LIMCH1: variants seen among roughly 807,000 people sequenced by gnomAD.
LIMCH1 encodes LIM and calponin homology domains-containing protein 1.
LIMCH1 carries 113 observed loss-of-function variants against 176.5 expected under a neutral mutation model. That is an observed-to-expected ratio of 0.64 (90% CI 0.55 to 0.75). The LOEUF (loss-of-function observed/expected upper bound fraction) is 0.75, where lower values mean the gene tolerates loss of function less well. Among genes scored for constraint, LIMCH1 ranks in the 30% least tolerant of loss-of-function variants. The probability of loss-of-function intolerance (pLI) is 0.00; values close to 1 mark genes in which losing one functional copy is unlikely to be tolerated. For missense variants in LIMCH1, 1,674 were observed against 1,814.9 expected (o/e 0.92, Z 1.41); for synonymous variants, 619 against 645.9 (o/e 0.96, Z 0.63).
chr4:41,404,469 A>T (rs1484600888), intron 1 of LIMCH1, among the ~76,000 whole-genome samples: 1 of 152,026 alleles, frequency 6.6e-6, no homozygotes, highest in Non-Finnish European at 1.5e-5. Context: ...CTTGGGGAGT[A>T]TTTTCTTTTA....
chr4:41,419,634 CCTCCTTCCTTTCTT>C (rs2060348320), intron 1 of LIMCH1, among the ~76,000 whole-genome samples: 2 of 93,220 alleles, frequency 2.1e-5, no homozygotes, highest in Admixed American at 1.1e-4. Context: ...TTCCTTCCTT[CCTCCTTCCTTTCTT>C]CCTCCTTCCT....
chr4:41,661,274 T>C, intron 18 of LIMCH1, 146 bp from the exon 19 acceptor site: 1 of 640,022 alleles, frequency 1.6e-6, no homozygotes, highest in Non-Finnish European at 2.8e-6. Flanking sequence ...CAATCCAGGC[T>C]CTCGCCATGA....
chr4:41,473,124 C>T lies in LIMCH1; in HGVS notation c.97-21412C>T, dbSNP rs910777455. On this transcript the variant is annotated intron_variant, in intron 1 of 26. Transcript: ENST00000313860. ...AACTCCTCCCAGTGCCATAAAATGA[C>T]AACTTGGTAAATGTTGATGTGAGTG... 1.5e-5 allele frequency: 15 copies of T among 985,298 alleles called. No homozygotes were observed. The African/African-American group carries it at 2.4e-4, about 16-fold the overall frequency. The allele number at this position is 985,298 out of a possible 1,614,324, so 61.0% of individuals were successfully genotyped here. A position where few individuals can be genotyped will look rare whatever the true frequency, so the allele number is the denominator to read the frequency against.
At chr4:41,644,460 T>C in intron 14 of LIMCH1, 40 bp from the exon 15 acceptor site, 3 of 1,450,302 alleles carry the variant, frequency 2.1e-6, no homozygotes, top group Non-Finnish European at 2.7e-6. Context: ...CGACGGGCGC[T>C]GATCGCGGTC....
chr4:41,443,704 G>T (rs1321973086), intron 1 of LIMCH1, among the ~76,000 whole-genome samples: 1 of 152,206 alleles, frequency 6.6e-6, no homozygotes, highest in East Asian at 1.9e-4. Context: ...GTGAAGGAAA[G>T]CTCTTCTGCC....
chr4:41,619,560 T>G lies in LIMCH1; in HGVS notation c.458+120T>G. On this transcript the variant is annotated intron_variant, in intron 6 of 31. Coordinates refer to ENST00000503057, the MANE Select transcript of LIMCH1 (RefSeq NM_001330672.2). ...CAGAACTTTGATGGAAGATTACAGA[T>G]GGAGGTGGGTGGGACAGATCTTTGG... The G allele has an allele frequency of 3.9e-6, 5 of 1,278,258 alleles. No homozygotes were observed. The South Asian group carries it at 7.0e-5, about 18-fold the overall frequency. The allele number at this position is 1,278,258 out of a possible 1,614,324, so 79.2% of individuals were successfully genotyped here. A position where few individuals can be genotyped will look rare whatever the true frequency, so the allele number is the denominator to read the frequency against.
At chr4:41,643,319 G>GT (rs200749576) in intron 14 of LIMCH1, among the ~76,000 whole-genome samples, 2,422 of 150,058 alleles carry the variant, frequency 0.016, 24 homozygotes, top group Non-Finnish European at 0.024. Flanking sequence ...GTGCATGGTA[G>GT]TTTTTTTTTT....
chr4:41,370,211 T>C (rs2154096810), intron 1 of LIMCH1, among the ~76,000 whole-genome samples: 1 of 152,242 alleles, frequency 6.6e-6, no homozygotes, highest in South Asian at 2.1e-4. Context: ...TCTCTTTCTT[T>C]CCCTAAGTCA....
chr4:41,498,664 A>G (rs1273238993), intron 2 of LIMCH1, among the ~76,000 whole-genome samples: 1 of 152,200 alleles, frequency 6.6e-6, no homozygotes, highest in African/African-American at 2.4e-5. Context: ...CTTACGAGTC[A>G]AAAAGGAGGG....
chr4:41,430,432 T>G (rs1253151918), intron 1 of LIMCH1, among the ~76,000 whole-genome samples: 1 of 152,044 alleles, frequency 6.6e-6, no homozygotes, highest in African/African-American at 2.4e-5. Context: ...CCCGGCTAAT[T>G]TTCGTATTTT....
At chr4:41,651,037 G>A (rs145082422) in intron 18 of LIMCH1, among the ~76,000 whole-genome samples, 14 of 127,060 alleles carry the variant, frequency 1.1e-4, no homozygotes, top group African/African-American at 3.0e-4. Flanking sequence ...ATGGAAATTC[G>A]CTCTTTTTGC....
intron 2 of LIMCH1, among the ~76,000 whole-genome samples, chr4:41,506,981 T>C (rs1270424504): frequency 5.3e-5 from 8 of 152,198 alleles, no homozygotes; most frequent in African/African-American, 1.9e-4. Flanking sequence ...ATCCACAACT[T>C]CTGTCCACTT....
At chr4:41,593,965 A>C (rs55824127) in intron 1 of LIMCH1, among the ~76,000 whole-genome samples, 3 of 152,038 alleles carry the variant, frequency 2.0e-5, no homozygotes, top group African/African-American at 7.3e-5. Context: ...ACGTGTGAAC[A>C]TATATATACA....
chr4:41,648,658 GGTGTGTGTGTGTGTGT>G (rs71650941), intron 17 of LIMCH1, among the ~76,000 whole-genome samples: 3 of 135,334 alleles, frequency 2.2e-5, no homozygotes, highest in South Asian at 2.5e-4. Flanking sequence ...AAGGGGTAGG[GGTGTGTGTGTGTGTGT>G]GTGTGTGTGT....
intron 2 of LIMCH1, among the ~76,000 whole-genome samples, chr4:41,500,125 A>G (rs145781284): frequency 1.3e-3 from 194 of 152,382 alleles, no homozygotes; most frequent in Admixed American, 3.1e-3. Flanking sequence ...ATAATTGGTC[A>G]AGGTGATGTC....
intron 4 of LIMCH1, chr4:41,612,762 C>T: frequency 1.4e-6 from 1 of 739,030 alleles, no homozygotes; most frequent in South Asian, 1.8e-5. Flanking sequence ...TTCAGCTCCC[C>T]CAGCGCCAAG....
At chr4:41,415,206 G>A (rs2154126194) in intron 1 of LIMCH1, among the ~76,000 whole-genome samples, 1 of 152,174 alleles carries the variant, frequency 6.6e-6, no homozygotes, top group East Asian at 1.9e-4. Context: ...AATGCAGAGG[G>A]ATTAATTTCT....
intron 1 of LIMCH1, among the ~76,000 whole-genome samples, chr4:41,409,312 G>C (rs1332004128): frequency 6.6e-6 from 1 of 152,156 alleles, no homozygotes; most frequent in African/African-American, 2.4e-5. Flanking sequence ...TTTTGAGTCA[G>C]TTCATTAGGA....
chr4:41,580,701 A>T (rs1438962176), intron 1 of LIMCH1, among the ~76,000 whole-genome samples: 1 of 152,182 alleles, frequency 6.6e-6, no homozygotes, highest in Non-Finnish European at 1.5e-5. Context: ...AAGGGATAGA[A>T]TAATGGATAA....
Sources: allele counts gnomAD v4.1 joint callset (sites outside exome capture counted in the v4.1 genomes callset), GRCh38; gene constraint gnomAD v4.1.1; transcripts MANE v1.5; gene names NCBI Gene and HGNC (gene_info 2026-07-23, HGNC 2026-07-21).